ADCK1: variants seen among roughly 807,000 people sequenced by gnomAD.
ADCK1 encodes aarF domain containing kinase 1.
A neutral mutation model predicts 52.3 loss-of-function variants in ADCK1; 41 were observed. The observed-to-expected ratio is 0.78, with a 90% confidence interval of 0.61 to 1.02. The LOEUF is 1.02. ADCK1 is among the 50% of genes least tolerant of loss of function. The probability of loss-of-function intolerance (pLI) is 0.00; values close to 1 mark genes in which losing one functional copy is unlikely to be tolerated. For synonymous variants in ADCK1, 250 were observed against 274.6 expected (o/e 0.91, Z 0.89); for missense variants, 658 against 679.5 (o/e 0.97, Z 0.35).
chr14:77,899,048 T>C, intron 5 of ADCK1, 52 bp from the exon 6 acceptor site: 3 of 1,605,948 alleles, frequency 1.9e-6, no homozygotes, highest in Non-Finnish European at 2.6e-6. Context: ...GTAGGGAATG[T>C]CCCTTGGTAT....
rs951684678 is a variant in ADCK1, at chr14:77,905,297, C to T, written c.742-2506C>T. 1.5e-3 allele frequency among the ~76,000 whole-genome samples: 160 copies of T among 105,104 alleles called. 1 individual carries two copies. The highest frequency in any genetic ancestry group is 5.8e-3 in the African/African-American group (151 of 25,930). 69.0% of individuals were successfully genotyped at this position (105,104 alleles called of 152,430 possible). On this transcript the variant is annotated intron_variant, in intron 6 of 10. Transcript: ENST00000238561. Reference sequence around the variant, plus strand: ...TTCTGTTTCCACCTGTGACTCTTTCCTAGCTGGTTTTTTTTTTTTTTTTTT... The same window carrying T: ...TTCTGTTTCCACCTGTGACTCTTTCTTAGCTGGTTTTTTTTTTTTTTTTTT...
At chr14:77,824,789 A>T (rs1411953171) in intron 3 of ADCK1, among the ~76,000 whole-genome samples, 1 of 152,084 alleles carries the variant, frequency 6.6e-6, no homozygotes, top group Non-Finnish European at 1.5e-5. Context: ...TGTCCAAATA[A>T]GGTAGATATA....
chr14:77,926,044 G>A lies in ADCK1; in HGVS notation c.1206+83G>A, dbSNP rs2084186489. Reference sequence around the variant, plus strand: ...GGCCTGTGGACCCCTTCCAAGTAAGGTCTAAGAGTCTAGACTGGTGGGCTG... The same window carrying A: ...GGCCTGTGGACCCCTTCCAAGTAAGATCTAAGAGTCTAGACTGGTGGGCTG... On this transcript the variant is annotated intron_variant, in intron 9 of 10. Coordinates refer to ENST00000238561, the MANE Select transcript of ADCK1 (RefSeq NM_020421.4). The A allele has an allele frequency of 5.3e-6, 8 of 1,508,696 alleles. No homozygotes were observed. In the South Asian group the frequency reaches 5.7e-5, roughly 11 times the overall value. The allele number at this position is 1,508,696 out of a possible 1,614,324, so 93.5% of individuals were successfully genotyped here.
At chr14:77,893,914 A>G (rs555705399) in intron 5 of ADCK1, among the ~76,000 whole-genome samples, 1 of 152,056 alleles carries the variant, frequency 6.6e-6, no homozygotes, top group Admixed American at 6.5e-5. Context: ...TTGTATTTTT[A>G]GTAGAGACGG....
At chr14:77,915,947 G>A (rs1039035857) in intron 7 of ADCK1, among the ~76,000 whole-genome samples, 5 of 152,260 alleles carry the variant, frequency 3.3e-5, no homozygotes, top group Admixed American at 1.3e-4. Context: ...CGCTTGGTAC[G>A]GTGCCAGGCC....
intron 1 of ADCK1, among the ~76,000 whole-genome samples, chr14:77,807,590 A>G (rs1269086725): frequency 6.7e-6 from 1 of 148,634 alleles, no homozygotes; most frequent in African/African-American, 2.5e-5. Flanking sequence ...GCTCACTGCA[A>G]TCTCCGCCTC....
intron 3 of ADCK1, among the ~76,000 whole-genome samples, chr14:77,838,747 A>G (rs981368296): frequency 2.6e-5 from 4 of 151,992 alleles, no homozygotes; most frequent in African/African-American, 4.8e-5. Context: ...CTAACCCCCA[A>G]CATGTTATGG....
chr14:77,852,638 C>T (rs1259805195), intron 3 of ADCK1, among the ~76,000 whole-genome samples: 1 of 109,310 alleles, frequency 9.1e-6, no homozygotes. Context: ...AAAATTTCAG[C>T]CATTATTTCT....
intron 7 of ADCK1, chr14:77,924,202 G>T: frequency 2.3e-6 from 1 of 438,254 alleles, no homozygotes; most frequent in Admixed American, 3.9e-5. Context: ...CCATGTTCAC[G>T]TCACCTCGAA....
At position 77,934,937 on chromosome 14, in the gene ADCK1, G is replaced by C. The variant is rs894750046; in HGVS notation, c.*1546G>C. 3 of 152,208 alleles carry C rather than the reference G, an allele frequency of 2.0e-5. No homozygotes were observed. The highest frequency in any genetic ancestry group is 4.4e-5 in the Non-Finnish European group (3 of 68,042). The allele number at this position is 152,208 out of a possible 1,614,324, so 9.4% of individuals were successfully genotyped here. A position where few individuals can be genotyped will look rare whatever the true frequency, so the allele number is the denominator to read the frequency against. The stretch of plus-strand genomic sequence containing the variant: ...TTTGCAATATCTGATTATTAATCTT[G>C]AGGATGTGTGCTGCATAGTATATTT... On this transcript the variant is annotated 3_prime_UTR_variant, in exon 11 of 11. Transcript: ENST00000238561.
At position 77,899,174 on chromosome 14, in the gene ADCK1, C is replaced by T. The variant is rs765786290; in HGVS notation, c.657C>T (p.Asn219=). 5.6e-6 allele frequency: 9 copies of T among 1,614,038 alleles called. No homozygotes were observed. Among genetic ancestry groups the T allele is most frequent in the Middle Eastern group, 1.6e-4 (1 of 6,074 alleles). ...GGCTTGTGGATGAAGCCAAGAAGAA[C>T]CTGCCTTTGGAGCTGGATTTCCTCA... The part of the protein sequence containing the change: ...FMWLVDEAKK[N]LPLELDFLNE... The change falls in exon 6 of 11, where the codon AAC becomes AAT. Residue 219 remains asparagine, a synonymous_variant. Coordinates refer to ENST00000238561, the MANE Select transcript of ADCK1 (RefSeq NM_020421.4).
chr14:77,805,453 G>T (rs995445689), intron 1 of ADCK1, among the ~76,000 whole-genome samples: 3 of 151,574 alleles, frequency 2.0e-5, no homozygotes, highest in African/African-American at 7.3e-5. Flanking sequence ...GTAGAGACAG[G>T]GCTTCACCAC....
chr14:77,891,908 A>T (rs1217218370), intron 5 of ADCK1, among the ~76,000 whole-genome samples: 1 of 152,184 alleles, frequency 6.6e-6, no homozygotes, highest in Non-Finnish European at 1.5e-5. Context: ...CTGTGTTGAG[A>T]CCTAAATGGT....
At position 77,810,826 on chromosome 14, in the gene ADCK1, C is replaced by T. The variant is rs57467440; in HGVS notation, c.-11-8142C>T. 5.5e-3 allele frequency among the ~76,000 whole-genome samples: 836 copies of T among 152,220 alleles called. 11 individuals are homozygous for T. The highest frequency in any genetic ancestry group is 0.019 in the African/African-American group (787 of 41,536). On this transcript the variant is annotated intron_variant, in intron 1 of 10. Transcript: ENST00000238561. ...GATTACAGGCGTGAGCCTCCGTGCC[C>T]GGCAAGGCTGGGTTCTTTACCCACG...
intron 1 of ADCK1, among the ~76,000 whole-genome samples, chr14:77,813,601 C>T (rs2081379715): frequency 6.6e-6 from 1 of 151,854 alleles, no homozygotes; most frequent in Non-Finnish European, 1.5e-5. Context: ...GAGCCACGTG[C>T]CCAGCCTGAG....
At chr14:77,897,792 AC>A (rs1191039511) in intron 5 of ADCK1, among the ~76,000 whole-genome samples, 3 of 152,248 alleles carry the variant, frequency 2.0e-5, no homozygotes, top group African/African-American at 7.2e-5. Context: ...AATGACAGTT[AC>A]ATTTGCAGCA....
chr14:77,813,597 C>T lies in ADCK1; in HGVS notation c.-11-5371C>T, dbSNP rs754453309. On this transcript the variant is annotated intron_variant, in intron 1 of 10. Coordinates refer to ENST00000238561, the MANE Select transcript of ADCK1 (RefSeq NM_020421.4). ...GTGCTGGGATTACAGGCATGAGCCA[C>T]GTGCCCAGCCTGAGTTTCTTAAATT... Among the ~76,000 whole-genome samples the T allele has an allele frequency of 3.3e-4, 51 of 152,260 alleles. 1 individual carries two copies. The highest frequency in any genetic ancestry group is 6.8e-3 in the Middle Eastern group (2 of 294).
At chr14:77,852,236 A>T (rs2082298762) in intron 3 of ADCK1, among the ~76,000 whole-genome samples, 1 of 152,056 alleles carries the variant, frequency 6.6e-6, no homozygotes, top group East Asian at 1.9e-4. Context: ...TGACCTCGTG[A>T]TCCACCTGCC....
At chr14:77,908,851 T>A (rs1361289564) in intron 7 of ADCK1, among the ~76,000 whole-genome samples, 1 of 151,542 alleles carries the variant, frequency 6.6e-6, no homozygotes, top group African/African-American at 2.4e-5. Flanking sequence ...CCAGGGAGAG[T>A]GAGGAAGAGG....
Sources: gnomAD v4.1 joint callset for allele counts (sites outside exome capture counted in the v4.1 genomes callset) on GRCh38, gnomAD v4.1.1 for gene constraint, MANE v1.5 for transcripts, NCBI Gene and HGNC (gene_info 2026-07-23, HGNC 2026-07-21) for gene names.